Variants in SRPX observed in about 807,000 individuals in gnomAD.
SRPX encodes sushi repeat containing protein X-linked, also known as sushi repeat-containing protein SRPX.
In SRPX, 24 loss-of-function variants were observed where a neutral mutation model predicts 38.1. The ratio of observed to expected loss-of-function variants is 0.63; its 90% CI spans 0.46 to 0.89. SRPX has a LOEUF of 0.89. Ranked by LOEUF, SRPX falls within the 40% of genes least tolerant of loss-of-function variation. The pLI, the probability that SRPX is intolerant of heterozygous loss-of-function variation, is 0.00. For missense variants in SRPX, 416 were observed against 377.8 expected (o/e 1.10, Z -0.84); for synonymous variants, 184 against 153.8 (o/e 1.20, Z -1.45).
At chrX:38,149,985 C>T in intron 9 of SRPX, 91 bp from the exon 10 acceptor site, 1 of 810,921 alleles carries the variant, frequency 1.2e-6, no homozygotes, top group Non-Finnish European at 1.7e-6. Context: ...TGACAGTGTG[C>T]AGAGAAAGCT....
intron 1 of SRPX, among the ~76,000 whole-genome samples, chrX:38,193,772 T>C (rs986761079): frequency 8.9e-6 from 1 of 112,084 alleles, no homozygotes; most frequent in Non-Finnish European, 1.9e-5. Context: ...TATCATGAAA[T>C]ACATTTGAAA....
At chrX:38,151,556 C>T (rs1252027079) in intron 9 of SRPX, among the ~76,000 whole-genome samples, 1 of 111,482 alleles carries the variant, frequency 9.0e-6, no homozygotes, top group Non-Finnish European at 1.9e-5. Context: ...CTACCATACA[C>T]ATTCCTGTGT....
chrX:38,177,577 C>T (rs181134776), intron 2 of SRPX, among the ~76,000 whole-genome samples: 1 of 108,230 alleles, frequency 9.2e-6, no homozygotes, highest in East Asian at 2.9e-4. Context: ...ATTCTTCCTC[C>T]ACTGTAAGAG....
At chrX:38,172,713 A>G (rs112300076) in intron 3 of SRPX, among the ~76,000 whole-genome samples, 33 of 112,956 alleles carry the variant, frequency 2.9e-4, no homozygotes, top group African/African-American at 1.1e-3. Flanking sequence ...GATCTCAGGC[A>G]AAGTCAGCAG....
intron 4 of SRPX, among the ~76,000 whole-genome samples, chrX:38,167,060 C>T (rs746396053): frequency 2.7e-5 from 3 of 111,395 alleles, no homozygotes; most frequent in Non-Finnish European, 5.7e-5. Context: ...TGGAGGACTC[C>T]TTCCTACATG....
At chrX:38,167,678 C>T (rs1938388065) in intron 4 of SRPX, among the ~76,000 whole-genome samples, 2 of 112,278 alleles carry the variant, frequency 1.8e-5, no homozygotes, top group East Asian at 5.5e-4. Flanking sequence ...AACTGTCTCC[C>T]TTCTCTGTGC....
At chrX:38,197,126 A>G (rs773886471) in intron 1 of SRPX, among the ~76,000 whole-genome samples, 1 of 112,322 alleles carries the variant, frequency 8.9e-6, no homozygotes, top group Non-Finnish European at 1.9e-5. Flanking sequence ...CAGATGATGA[A>G]ACCATAGGCC....
At chrX:38,162,323 A>G (rs1475674227) in intron 5 of SRPX, among the ~76,000 whole-genome samples, 3 of 111,630 alleles carry the variant, frequency 2.7e-5, no homozygotes, top group Non-Finnish European at 5.6e-5. Context: ...GGGTCATAGG[A>G]GAAATGCCAG....
rs1235650019 is a variant in SRPX, at chrX:38,157,030, C to G, written c.956-1G>C. On this transcript the variant is annotated splice_acceptor_variant, in intron 7 of 9. Coordinates refer to ENST00000378533, the MANE Select transcript of SRPX (RefSeq NM_006307.5). LOFTEE classifies it high-confidence loss of function. ...CTGACACCCACATTGACGTTCATGG[C>G]TGTAATCAGAAATGGCCACATGGGT... 1 of 1,208,735 alleles carries G rather than the reference C, an allele frequency of 8.3e-7. No individual in the cohort carries two copies. The highest frequency in any genetic ancestry group is 1.1e-6 in the Non-Finnish European group (1 of 894,649).
At chrX:38,154,917 T>C (rs763965492) in intron 8 of SRPX, among the ~76,000 whole-genome samples, 1 of 111,192 alleles carries the variant, frequency 9.0e-6, no homozygotes, top group South Asian at 3.8e-4. Flanking sequence ...TTCTAATTTT[T>C]CTTTGCAAGG....
At chrX:38,193,800 A>G (rs1569212045) in intron 1 of SRPX, among the ~76,000 whole-genome samples, 1 of 112,307 alleles carries the variant, frequency 8.9e-6, no homozygotes, top group Non-Finnish European at 1.9e-5. Flanking sequence ...AAGGTTGAAA[A>G]TGGAATCAAT....
Position 38,161,071 on chromosome X carries a change from C to A in SRPX, c.654-17G>T. The A allele has an allele frequency of 8.3e-7, 1 of 1,206,602 alleles. No homozygotes were observed. The highest frequency in any genetic ancestry group is 1.1e-6 in the Non-Finnish European group (1 of 893,587). ...AGAATGACACTTAGAGAAAAAAAATCAGAAACAGGAAAGATGACATTATGG... is the reference window on the plus strand; with the variant it reads ...AGAATGACACTTAGAGAAAAAAAATAAGAAACAGGAAAGATGACATTATGG... On this transcript the variant is annotated splice_polypyrimidine_tract_variant and intron_variant, in intron 5 of 9. Coordinates refer to ENST00000378533, the MANE Select transcript of SRPX (RefSeq NM_006307.5).
intron 6 of SRPX, 93 bp downstream of exon 6, chrX:38,160,840 A>G (rs758726320): frequency 9.3e-7 from 1 of 1,069,924 alleles, no homozygotes; most frequent in Non-Finnish European, 1.3e-6. Context: ...CTCCCACCAC[A>G]GTAGGCACTT....
At chrX:38,208,023 G>C (rs889892804) in intron 1 of SRPX, among the ~76,000 whole-genome samples, 2 of 111,663 alleles carry the variant, frequency 1.8e-5, no homozygotes, top group Non-Finnish European at 3.8e-5. Flanking sequence ...TATTGTGTAG[G>C]CCTGGCCTTC....
chrX:38,177,821 C>T (rs746462727), intron 2 of SRPX, among the ~76,000 whole-genome samples: 11 of 111,778 alleles, frequency 9.8e-5, no homozygotes, highest in African/African-American at 2.9e-4. Flanking sequence ...TTTAACATAC[C>T]GTTTCAGAAG....
At chrX:38,151,255 TGA>T (rs1413394847) in intron 9 of SRPX, among the ~76,000 whole-genome samples, 1 of 112,065 alleles carries the variant, frequency 8.9e-6, no homozygotes, top group Admixed American at 9.5e-5. Context: ...CAGAAGTAGA[TGA>T]CTGCAAAGTG....
chrX:38,195,865 G>A (rs1440712530), intron 1 of SRPX, among the ~76,000 whole-genome samples: 6 of 111,799 alleles, frequency 5.4e-5, no homozygotes, highest in Non-Finnish European at 1.1e-4. Context: ...AGAGTAACGA[G>A]ATCCCAGCTG....
At chrX:38,173,997 A>G (rs1198554414) in intron 3 of SRPX, among the ~76,000 whole-genome samples, 163 bp downstream of exon 3, 1 of 112,117 alleles carries the variant, frequency 8.9e-6, no homozygotes, top group African/African-American at 3.2e-5. Context: ...TCTCTCTGAG[A>G]GGAGCCAACT....
intron 9 of SRPX, among the ~76,000 whole-genome samples, chrX:38,150,152 C>T (rs141029909): frequency 8.9e-6 from 1 of 112,345 alleles, no homozygotes; most frequent in Non-Finnish European, 1.9e-5. Context: ...TCAAGATCCC[C>T]AGATGACTGG....
Sources: allele counts gnomAD v4.1 joint callset (sites outside exome capture counted in the v4.1 genomes callset), GRCh38; gene constraint gnomAD v4.1.1; transcripts MANE v1.5; gene names NCBI Gene and HGNC (gene_info 2026-07-23, HGNC 2026-07-21).